The following MLLT3 variants were observed in gnomAD, a reference collection of about 807,000 sequenced individuals.
The protein encoded by MLLT3 is MLLT3 super elongation complex subunit.
MLLT3 carries 4 observed loss-of-function variants against 53.2 expected under a neutral mutation model. That is an observed-to-expected ratio of 0.08 (90% CI 0.04 to 0.17). The LOEUF (loss-of-function observed/expected upper bound fraction) is 0.17, where lower values mean the gene tolerates loss of function less well. MLLT3 is among the 10% of genes least tolerant of loss of function. The pLI, the probability that MLLT3 is intolerant of heterozygous loss-of-function variation, is 1.00. For synonymous variants in MLLT3, 283 were observed against 230.6 expected (o/e 1.23, Z -2.06); for missense variants, 569 against 684.0 (o/e 0.83, Z 1.87).
At chr9:20,367,631 C>G (rs928520076) in intron 5 of MLLT3, among the ~76,000 whole-genome samples, 1 of 152,162 alleles carries the variant, frequency 6.6e-6, no homozygotes, top group African/African-American at 2.4e-5. Flanking sequence ...ATTTATTTCA[C>G]AATAACTTAG....
chr9:20,467,881 G>A (rs895357054), intron 2 of MLLT3, among the ~76,000 whole-genome samples: 2 of 152,182 alleles, frequency 1.3e-5, no homozygotes, highest in African/African-American at 4.8e-5. Context: ...ATAATTGGCA[G>A]GTGTTTTCCT....
At chr9:20,353,624 G>A in intron 9 of MLLT3, 28 bp from the exon 10 acceptor site, 1 of 1,582,870 alleles carries the variant, frequency 6.3e-7, no homozygotes, top group Non-Finnish European at 8.7e-7. Flanking sequence ...CCCCGAAAAG[G>A]ACAAGCACTT....
At chr9:20,514,032 C>A (rs780003570) in intron 2 of MLLT3, among the ~76,000 whole-genome samples, 56 of 151,824 alleles carry the variant, frequency 3.7e-4, no homozygotes, top group Non-Finnish European at 6.6e-4. Context: ...TAGGGAAAGA[C>A]ACCAGTGGGT....
At chr9:20,552,010 G>C (rs1016699671) in intron 2 of MLLT3, among the ~76,000 whole-genome samples, 1 of 152,138 alleles carries the variant, frequency 6.6e-6, no homozygotes, top group Non-Finnish European at 1.5e-5. Flanking sequence ...CAAGTCATCA[G>C]ATCCACCCAC....
chr9:20,456,758 T>C lies in MLLT3; in HGVS notation c.222A>G (p.Glu74=). The C allele has an allele frequency of 4.4e-6, 7 of 1,604,802 alleles. No homozygotes were observed. The African/African-American group carries it at 6.7e-5, about 15-fold the overall frequency. The change falls in exon 3 of 11, where the codon GAA becomes GAG. Residue 74 remains glutamate (E), a synonymous_variant. Transcript: ENST00000380338. ...RVCKDPPYKV[E]ESGYAGFILP... ...AAATGAAACCAGCATACCCAGATTCTTCTACTTTGTAAGGTGGATCTTTGC... is the reference window on the plus strand; with the variant it reads ...AAATGAAACCAGCATACCCAGATTCCTCTACTTTGTAAGGTGGATCTTTGC...
chr9:20,387,482 G>A (rs1822068740), intron 5 of MLLT3, among the ~76,000 whole-genome samples: 1 of 152,120 alleles, frequency 6.6e-6, no homozygotes, highest in African/African-American at 2.4e-5. Context: ...GGTCGTGGAG[G>A]GGAAGCTTAA....
chr9:20,437,078 A>AT (rs1823424883), intron 4 of MLLT3, among the ~76,000 whole-genome samples: 1 of 152,314 alleles, frequency 6.6e-6, no homozygotes, highest in South Asian at 2.1e-4. Flanking sequence ...GGGCTGTGCT[A>AT]TGAGTCTGCC....
At chr9:20,347,390 G>C (rs1044456166) in intron 10 of MLLT3, among the ~76,000 whole-genome samples, 2 of 152,136 alleles carry the variant, frequency 1.3e-5, no homozygotes, top group Non-Finnish European at 2.9e-5. Context: ...TCTAGAAAAA[G>C]AAAGGATGCC....
intron 2 of MLLT3, among the ~76,000 whole-genome samples, chr9:20,549,321 C>A (rs1818869242): frequency 1.3e-5 from 2 of 152,140 alleles, no homozygotes. Flanking sequence ...TTTGCTTTCT[C>A]TACAAAGAAA....
chr9:20,543,723 G>A (rs577884958), intron 2 of MLLT3, among the ~76,000 whole-genome samples: 1 of 151,108 alleles, frequency 6.6e-6, no homozygotes, highest in South Asian at 2.1e-4. Context: ...GACGGAGGAG[G>A]AAGGAGGAAG....
At chr9:20,411,350 C>T (rs1385635425) in intron 5 of MLLT3, 2 of 153,026 alleles carry the variant, frequency 1.3e-5, no homozygotes, top group Non-Finnish European at 2.9e-5. Flanking sequence ...CCTTCCTTTG[C>T]TCATAGAAAG....
chr9:20,528,981 C>T (rs955281491), intron 2 of MLLT3, among the ~76,000 whole-genome samples: 1 of 152,164 alleles, frequency 6.6e-6, no homozygotes, highest in Non-Finnish European at 1.5e-5. Context: ...TCAGAGTACA[C>T]TGAAGGCCAA....
intron 5 of MLLT3, among the ~76,000 whole-genome samples, chr9:20,396,561 T>C (rs752421241): frequency 2.2e-4 from 33 of 152,248 alleles, no homozygotes; most frequent in Admixed American, 1.0e-3. Flanking sequence ...ACACAGTTTG[T>C]GTTCCTCACC....
intron 2 of MLLT3, among the ~76,000 whole-genome samples, chr9:20,540,135 TG>T (rs1818590536): frequency 6.6e-6 from 1 of 152,220 alleles, no homozygotes; most frequent in Non-Finnish European, 1.5e-5. Context: ...CCCAAGGCCT[TG>T]GGCAGCTCTG....
At chr9:20,490,367 CAGAGAGATTCTAGCATG>C (rs1301336528) in intron 2 of MLLT3, among the ~76,000 whole-genome samples, 1 of 152,210 alleles carries the variant, frequency 6.6e-6, no homozygotes, top group Non-Finnish European at 1.5e-5. Context: ...AGAGAGAAGT[CAGAGAGATTCTAGCATG>C]AGAAGAATTT....
intron 2 of MLLT3, among the ~76,000 whole-genome samples, chr9:20,464,983 C>T (rs996010000): frequency 5.3e-5 from 8 of 152,038 alleles, no homozygotes; most frequent in Non-Finnish European, 8.8e-5. Flanking sequence ...AATGACTCTA[C>T]ATTATAAAGA....
At chr9:20,609,351 T>G (rs955098645) in intron 2 of MLLT3, among the ~76,000 whole-genome samples, 1 of 152,116 alleles carries the variant, frequency 6.6e-6, no homozygotes, top group Non-Finnish European at 1.5e-5. Context: ...TATGTATGTA[T>G]GCAAGTATGT....
At chr9:20,392,012 C>T (rs547407503) in intron 5 of MLLT3, among the ~76,000 whole-genome samples, 12 of 152,204 alleles carry the variant, frequency 7.9e-5, no homozygotes, top group Admixed American at 2.0e-4. Flanking sequence ...TAAGGAGCGT[C>T]GTATCACTGG....
At chr9:20,498,458 T>C (rs776787545) in intron 2 of MLLT3, among the ~76,000 whole-genome samples, 1 of 152,170 alleles carries the variant, frequency 6.6e-6, no homozygotes, top group Admixed American at 6.5e-5. Flanking sequence ...TCTATTCAAA[T>C]CTTTTGCCCA....
Sources: allele counts gnomAD v4.1 joint callset (sites outside exome capture counted in the v4.1 genomes callset), GRCh38; gene constraint gnomAD v4.1.1; transcripts MANE v1.5; gene names NCBI Gene and HGNC (gene_info 2026-07-23, HGNC 2026-07-21).